Variants in SRGAP2 observed in about 807,000 individuals in gnomAD.
SRGAP2 encodes SLIT-ROBO Rho GTPase activating protein 2, also known as SLIT-ROBO Rho GTPase-activating protein 2.
Under a neutral mutation model 57.2 loss-of-function variants are expected in SRGAP2, and 15 were observed. The observed-to-expected ratio is 0.26, with a 90% CI of 0.18 to 0.40. The LOEUF (loss-of-function observed/expected upper bound fraction) is 0.40. Ranked by LOEUF, SRGAP2 falls within the 10% of genes least tolerant of loss-of-function variation. SRGAP2 has a pLI of 1.00. For missense variants in SRGAP2, 520 were observed against 669.6 expected (o/e 0.78, Z 2.47); for synonymous variants, 249 against 248.0 (o/e 1.00, Z -0.04).
rs528561853 is a variant in SRGAP2 at position 206,335,568 on chromosome 1, A to G, written c.261-7278A>G. ...CAAACATGGGAGAAGCAGGTCAGAAAAAAGAATGTTGATCCTGTTATTCCT... is the reference window on the plus strand; with the variant it reads ...CAAACATGGGAGAAGCAGGTCAGAAGAAAGAATGTTGATCCTGTTATTCCT... On this transcript the variant is annotated intron_variant, in intron 3 of 22. Coordinates refer to ENST00000573034, the MANE Select transcript of SRGAP2 (RefSeq NM_015326.5). 3.2e-3 allele frequency among the ~76,000 whole-genome samples: 485 copies of G among 152,300 alleles called. 3 individuals are homozygous for G. Among genetic ancestry groups the G allele is most frequent in the Middle Eastern group, 3.4e-3 (1 of 294 alleles).
At chr1:206,249,798 T>C (rs1668728608) in intron 2 of SRGAP2, among the ~76,000 whole-genome samples, 1 of 151,444 alleles carries the variant, frequency 6.6e-6, no homozygotes, top group African/African-American at 2.4e-5. Flanking sequence ...TAGGCTACTC[T>C]GCATAAAATA....
At chr1:206,439,065 T>C (rs564390019) in intron 16 of SRGAP2, among the ~76,000 whole-genome samples, 18 of 152,284 alleles carry the variant, frequency 1.2e-4, no homozygotes, top group African/African-American at 3.8e-4. Context: ...GGACTGGGCC[T>C]AGGTGAAGTA....
chr1:206,307,870 C>T (rs1672349528), intron 3 of SRGAP2, among the ~76,000 whole-genome samples: 1 of 152,080 alleles, frequency 6.6e-6, no homozygotes, highest in Admixed American at 6.5e-5. Flanking sequence ...GGAGTGGGCT[C>T]CAGCCTTGGC....
rs139171809 is a variant in SRGAP2 at position 206,422,517 on chromosome 1, A to C, written c.1494+1243A>C. Among the ~76,000 whole-genome samples the C allele has an allele frequency of 1.6e-4, 24 of 152,354 alleles. No individual in the cohort carries two copies. The East Asian group carries it at 4.6e-3, about 29-fold the overall frequency. ...CTAGAGATAATTTAGTGCATTTAAA[A>C]TTAATAGGTGCATATCTTGCAGAGG... is the stretch of plus-strand genomic sequence containing the variant. On this transcript the variant is annotated intron_variant, in intron 13 of 22. Transcript: ENST00000573034.
chr1:206,409,574 G>A (rs1658999508), intron 10 of SRGAP2, among the ~76,000 whole-genome samples: 3 of 152,148 alleles, frequency 2.0e-5, no homozygotes, highest in Admixed American at 1.3e-4. Context: ...TTGAGGCCAG[G>A]AGTTCAAGAC....
intron 4 of SRGAP2, among the ~76,000 whole-genome samples, chr1:206,360,086 G>T (rs576087818): frequency 1.3e-4 from 20 of 152,196 alleles, no homozygotes; most frequent in African/African-American, 4.8e-4. Flanking sequence ...GATTACAGGC[G>T]TGAGCCACCG....
chr1:206,262,876 GTTTT>G (rs1278562007), intron 2 of SRGAP2, among the ~76,000 whole-genome samples: 1 of 99,558 alleles, frequency 1.0e-5, no homozygotes, highest in Admixed American at 9.2e-5. Context: ...TTTATCGTGG[GTTTT>G]GTTTTTTTTT....
chr1:206,461,922 C>A lies in SRGAP2; in HGVS notation c.*502C>A, dbSNP rs1664300039. 6.5e-6 allele frequency: 1 copy of A among 153,860 alleles called. No individual in the cohort carries two copies. Among genetic ancestry groups the A allele is most frequent in the Non-Finnish European group, 1.4e-5 (1 of 69,246 alleles). The allele number at this position is 153,860 out of a possible 1,614,324, so 9.5% of individuals were successfully genotyped here. On this transcript the variant is annotated 3_prime_UTR_variant, in exon 23 of 23. Transcript: ENST00000573034. The stretch of plus-strand genomic sequence containing the variant: ...TTTTACACACACACACACACACACA[C>A]ACACACATATGTTTTTCTAGTCTCT...
At chr1:206,333,851 A>AT (rs1674569509) in intron 3 of SRGAP2, among the ~76,000 whole-genome samples, 1 of 151,788 alleles carries the variant, frequency 6.6e-6, no homozygotes, top group South Asian at 2.1e-4. Flanking sequence ...GGAGTTTCAC[A>AT]TTTTTCATCC....
chr1:206,341,636 T>G (rs1243928648), intron 3 of SRGAP2, among the ~76,000 whole-genome samples: 1 of 151,956 alleles, frequency 6.6e-6, no homozygotes, highest in Admixed American at 6.6e-5. Flanking sequence ...TGTAGAACTT[T>G]CTGTTGCTTA....
At chr1:206,434,166 TG>T (rs1478475045) in intron 14 of SRGAP2, among the ~76,000 whole-genome samples, 1 of 152,164 alleles carries the variant, frequency 6.6e-6, no homozygotes, top group Non-Finnish European at 1.5e-5. Context: ...TCAAATCCCA[TG>T]GGAGGTAGAC....
At chr1:206,420,316 G>A (rs1403780780) in intron 12 of SRGAP2, among the ~76,000 whole-genome samples, 2 of 152,148 alleles carry the variant, frequency 1.3e-5, no homozygotes, top group African/African-American at 4.8e-5. Flanking sequence ...GATGACTGGA[G>A]GGAACCAGGA....
chr1:206,340,050 A>G (rs1212016289), intron 3 of SRGAP2, among the ~76,000 whole-genome samples: 3 of 151,184 alleles, frequency 2.0e-5, no homozygotes, highest in Non-Finnish European at 2.9e-5. Context: ...TTGGCCTCCC[A>G]AAGTGCTGGG....
At chr1:206,440,333 AAAAT>A (rs1553371596) in intron 17 of SRGAP2, among the ~76,000 whole-genome samples, 1 of 152,208 alleles carries the variant, frequency 6.6e-6, no homozygotes, top group Admixed American at 6.5e-5. Flanking sequence ...GCTTAGAAGA[AAAAT>A]AAAAAAGAGT....
At chr1:206,374,240 T>A (rs1655009210) in intron 4 of SRGAP2, among the ~76,000 whole-genome samples, 1 of 151,014 alleles carries the variant, frequency 6.6e-6, no homozygotes, top group Non-Finnish European at 1.5e-5. Context: ...TTGGTCTCGA[T>A]CTCCTGACCT....
chr1:206,450,883 G>A (rs746083262), intron 19 of SRGAP2, among the ~76,000 whole-genome samples: 10 of 151,974 alleles, frequency 6.6e-5, no homozygotes, highest in East Asian at 5.8e-4. Flanking sequence ...AGGCCCAGGC[G>A]GGAGGATCAC....
At chr1:206,342,295 C>T (rs1553335410) in intron 3 of SRGAP2, among the ~76,000 whole-genome samples, 1 of 152,178 alleles carries the variant, frequency 6.6e-6, no homozygotes, top group African/African-American at 2.4e-5. Flanking sequence ...AAATCTCTAA[C>T]TTTGGTTTCT....
chr1:206,389,542 C>A (rs1413499490), intron 5 of SRGAP2, among the ~76,000 whole-genome samples: 3 of 151,822 alleles, frequency 2.0e-5, no homozygotes, highest in Admixed American at 2.0e-4. Context: ...CTACTTATTT[C>A]TCTTCGGGCT....
rs782166516 is a variant in SRGAP2 at position 206,421,289 on chromosome 1, G to T, written c.1494+15G>T. 1.3e-6 allele frequency: 1 copy of T among 777,352 alleles called. No homozygotes were observed. 48.2% of individuals were successfully genotyped at this position (777,352 alleles called of 1,614,324 possible). A position where few individuals can be genotyped will look rare whatever the true frequency, so the allele number is the denominator to read the frequency against. ...TGAGGAAACAGGTAAGGGCCCAAGC[G>T]GGGCCAGGCTGGTCTGGCCTGAAAA... On this transcript the variant is annotated intron_variant, in intron 13 of 22. Coordinates refer to ENST00000573034, the MANE Select transcript of SRGAP2 (RefSeq NM_015326.5).
Sources: gnomAD v4.1 joint callset for allele counts (sites outside exome capture counted in the v4.1 genomes callset) on GRCh38, gnomAD v4.1.1 for gene constraint, MANE v1.5 for transcripts, NCBI Gene and HGNC (gene_info 2026-07-23, HGNC 2026-07-21) for gene names.